ARID1B: variants seen among roughly 807,000 people sequenced by gnomAD.
The protein encoded by ARID1B is AT-rich interaction domain 1B.
Under a neutral mutation model 212.3 loss-of-function variants are expected in ARID1B, and 30 were observed. The observed-to-expected ratio is 0.14, with a 90% CI of 0.11 to 0.19. The LOEUF (loss-of-function observed/expected upper bound fraction) is 0.19. Among genes scored for constraint, ARID1B ranks in the 10% least tolerant of loss-of-function variants. The pLI is 1.00. For synonymous variants in ARID1B, 1,402 were observed against 1,301.7 expected, an observed-to-expected ratio of 1.08 and a Z score of -1.66; for missense variants, 2,891 against 3,204.0, an observed-to-expected ratio of 0.90 and a Z score of 2.36.
intron 2 of ARID1B, among the ~76,000 whole-genome samples, chr6:156,882,267 C>T (rs904349217): frequency 4.6e-5 from 7 of 152,160 alleles, no homozygotes; most frequent in Non-Finnish European, 1.0e-4. Flanking sequence ...CCCAGCTCCT[C>T]GGGCAGAGTT....
chr6:156,852,053 G>A (rs546162309), intron 2 of ARID1B, among the ~76,000 whole-genome samples: 15 of 152,178 alleles, frequency 9.9e-5, no homozygotes, highest in South Asian at 2.1e-4. Flanking sequence ...TTTACCTCTC[G>A]CAAGAGCATA....
At chr6:157,141,323 GTAAGA>G (rs2128610040) in intron 7 of ARID1B, 1 of 152,318 alleles carries the variant, frequency 6.6e-6, no homozygotes, top group South Asian at 2.1e-4. Context: ...ACACTGTAAG[GTAAGA>G]TAATAGGTCT....
intron 2 of ARID1B, among the ~76,000 whole-genome samples, chr6:156,856,412 T>C (rs1784935181): frequency 6.6e-6 from 1 of 152,202 alleles, no homozygotes; most frequent in Non-Finnish European, 1.5e-5. Flanking sequence ...CATCAACTTC[T>C]TAGGAATTCT....
Position 156,846,030 on chromosome 6 carries a change from A to G in ARID1B, c.1986+16609A>G, listed in dbSNP as rs112666927. ...ATCTTACTCTTATTTCGTGGCTACAATGGTTTATCTTGCCGACGACAATGT... is the reference window on the plus strand; with the variant it reads ...ATCTTACTCTTATTTCGTGGCTACAGTGGTTTATCTTGCCGACGACAATGT... On this transcript the variant is annotated intron_variant, in intron 2 of 19. Transcript: ENST00000636930. 2.7e-3 allele frequency among the ~76,000 whole-genome samples: 404 copies of G among 152,228 alleles called. 1 individual carries two copies. Among genetic ancestry groups the G allele is most frequent in the African/African-American group, 9.2e-3 (381 of 41,540 alleles).
At chr6:156,867,608 C>T (rs550865633) in intron 2 of ARID1B, among the ~76,000 whole-genome samples, 2 of 151,914 alleles carry the variant, frequency 1.3e-5, no homozygotes, top group South Asian at 2.1e-4. Flanking sequence ...TACATTTGAA[C>T]GGTATGTGAA....
chr6:157,165,481 C>T (rs987670380), intron 8 of ARID1B, among the ~76,000 whole-genome samples: 3 of 152,004 alleles, frequency 2.0e-5, no homozygotes, highest in African/African-American at 4.8e-5. Context: ...AGATGGTCCA[C>T]GTTTGAACTT....
intron 4 of ARID1B, among the ~76,000 whole-genome samples, chr6:157,039,711 T>TTTCTTTCC (rs1781675785): frequency 8.4e-6 from 1 of 118,496 alleles, no homozygotes; most frequent in African/African-American, 3.2e-5. Flanking sequence ...CTTTCCTTTC[T>TTTCTTTCC]TTCCTTCCTT....
intron 1 of ARID1B, among the ~76,000 whole-genome samples, chr6:156,784,893 G>A (rs2115094674): frequency 6.6e-6 from 1 of 152,232 alleles, no homozygotes; most frequent in East Asian, 1.9e-4. Flanking sequence ...GCAAGCAGCT[G>A]GGACTACAGG....
chr6:157,036,220 G>A (rs920873037), intron 4 of ARID1B: 3 of 152,250 alleles, frequency 2.0e-5, no homozygotes, highest in East Asian at 1.9e-4. Context: ...GTTCCTCGCA[G>A]CTTTTTAAAA....
At chr6:157,027,585 G>A (rs1043760014) in intron 4 of ARID1B, among the ~76,000 whole-genome samples, 6 of 152,226 alleles carry the variant, frequency 3.9e-5, no homozygotes, top group South Asian at 2.1e-4. Context: ...ACACACAATC[G>A]AGATGTATGA....
chr6:156,913,224 T>C (rs1790055026), intron 3 of ARID1B, among the ~76,000 whole-genome samples: 2 of 149,822 alleles, frequency 1.3e-5, no homozygotes, highest in East Asian at 1.9e-4. Flanking sequence ...TTTCTTTTTT[T>C]TTTTTTTTTT....
intron 4 of ARID1B, among the ~76,000 whole-genome samples, chr6:157,039,682 C>CTTCTTTCTTTCTTTCTTTTTCT (rs1562569236): frequency 2.6e-5 from 2 of 75,488 alleles, no homozygotes; most frequent in African/African-American, 9.6e-5. Flanking sequence ...TCCTTCCTTC[C>CTTCTTTCTTTCTTTCTTTTTCT]TTCCTTCCTT....
At chr6:157,060,101 A>G (rs927083615) in intron 4 of ARID1B, among the ~76,000 whole-genome samples, 5 of 152,200 alleles carry the variant, frequency 3.3e-5, no homozygotes, top group Non-Finnish European at 7.3e-5. Flanking sequence ...AAAGAATGTA[A>G]TTAGTGAAAC....
intron 5 of ARID1B, among the ~76,000 whole-genome samples, 176 bp downstream of exon 5, chr6:157,085,081 G>A (rs753519614): frequency 1.1e-4 from 17 of 152,154 alleles, no homozygotes; most frequent in Admixed American, 5.2e-4. Context: ...TTCAACAGGT[G>A]ATTATAACTA....
At chr6:156,995,496 T>C (rs1463742359) in intron 4 of ARID1B, among the ~76,000 whole-genome samples, 1 of 152,194 alleles carries the variant, frequency 6.6e-6, no homozygotes, top group Non-Finnish European at 1.5e-5. Flanking sequence ...CTGAAAACCA[T>C]GTGGTCATAT....
chr6:156,961,923 A>G (rs1048231290), intron 4 of ARID1B, among the ~76,000 whole-genome samples: 1 of 152,070 alleles, frequency 6.6e-6, no homozygotes, highest in Non-Finnish European at 1.5e-5. Context: ...TCACCATAAC[A>G]CTGACCCTAT....
chr6:157,145,609 T>G (rs1175204874), intron 7 of ARID1B, among the ~76,000 whole-genome samples: 8 of 152,216 alleles, frequency 5.3e-5, no homozygotes, highest in Non-Finnish European at 1.2e-4. Context: ...GATAGAACTT[T>G]ATATGTGTGA....
intron 5 of ARID1B, among the ~76,000 whole-genome samples, chr6:157,103,745 A>G (rs1786253958): frequency 6.6e-6 from 1 of 152,188 alleles, no homozygotes. Flanking sequence ...AAATATTAGC[A>G]AACAGAATCC....
Position 156,778,048 on chromosome 6 carries a change from C to G in ARID1B, c.368C>G (p.Ser123Cys). 6.5e-7 allele frequency: 1 copy of G among 1,537,000 alleles called. No homozygotes were observed. Among genetic ancestry groups the G allele is most frequent in the Admixed American group, 2.0e-5 (1 of 50,902 alleles). ...SAAALSSSSS[S>C]SAAAAAASSS... ...GCCGCGCTGTCCTCCTCCTCCTCCT[C>G]CTCCGCGGCGGCAGCGGCGGCATCC... The change falls in exon 1 of 20, where the codon TCC becomes TGC. Residue 123 changes from serine to cysteine, a missense_variant. Ser to Cys is a moderately radical substitution (Grantham distance 112). Coordinates refer to ENST00000636930, the MANE Select transcript of ARID1B (RefSeq NM_001374828.1).
Sources: allele counts gnomAD v4.1 joint callset (sites outside exome capture counted in the v4.1 genomes callset), GRCh38; gene constraint gnomAD v4.1.1; transcripts MANE v1.5; gene names NCBI Gene and HGNC (gene_info 2026-07-23, HGNC 2026-07-21).